VPS13B: variants seen among roughly 807,000 people sequenced by gnomAD.
The protein encoded by VPS13B is intermembrane lipid transfer protein VPS13B.
In VPS13B, 285 loss-of-function variants were observed where a neutral mutation model predicts 426.4. That is an observed-to-expected ratio of 0.67 (90% CI 0.61 to 0.74). The LOEUF is 0.74. Ranked by LOEUF, VPS13B falls within the 30% of genes least tolerant of loss-of-function variation. The probability of loss-of-function intolerance (pLI) is 0.00; values close to 1 mark genes in which losing one functional copy is unlikely to be tolerated. For missense variants in VPS13B, 4,537 were observed against 4,782.6 expected (o/e 0.95, Z 1.51); for synonymous variants, 1,676 against 1,676.4 (o/e 1.00, Z 0.01).
chr8:99,851,912 A>G (rs1816313996), intron 55 of VPS13B, among the ~76,000 whole-genome samples: 1 of 152,112 alleles, frequency 6.6e-6, no homozygotes. Flanking sequence ...AGTAGACTGT[A>G]GAGAAACAAG....
chr8:99,475,744 C>CCTATGT (rs1819656945), intron 24 of VPS13B, among the ~76,000 whole-genome samples: 1 of 152,108 alleles, frequency 6.6e-6, no homozygotes, highest in South Asian at 2.1e-4. Context: ...CTGTTCCTTC[C>CCTATGT]CTGTTGTCCT....
At chr8:99,500,049 G>A (rs1821144273) in intron 25 of VPS13B, among the ~76,000 whole-genome samples, 1 of 152,206 alleles carries the variant, frequency 6.6e-6, no homozygotes, top group South Asian at 2.1e-4. Context: ...AATGAGAGCC[G>A]GGACTTTGGT....
At chr8:99,855,622 T>A (rs1318682440) in intron 56 of VPS13B, among the ~76,000 whole-genome samples, 1 of 152,192 alleles carries the variant, frequency 6.6e-6, no homozygotes, top group African/African-American at 2.4e-5. Flanking sequence ...TCTATCCTCT[T>A]TGTAAAGTTG....
chr8:99,425,227 C>T (rs1411046224), intron 21 of VPS13B, among the ~76,000 whole-genome samples: 1 of 152,190 alleles, frequency 6.6e-6, no homozygotes, highest in Non-Finnish European at 1.5e-5. Context: ...AGTCCAGCAT[C>T]ATCCTGATAC....
At chr8:99,734,527 G>A (rs949940523) in intron 39 of VPS13B, among the ~76,000 whole-genome samples, 1 of 152,186 alleles carries the variant, frequency 6.6e-6, no homozygotes, top group African/African-American at 2.4e-5. Context: ...TATAATAGGA[G>A]ATGGGTGTGA....
intron 39 of VPS13B, among the ~76,000 whole-genome samples, chr8:99,746,156 A>T (rs921961152): frequency 6.6e-6 from 1 of 152,038 alleles, no homozygotes; most frequent in African/African-American, 2.4e-5. Context: ...TAACATGTTT[A>T]TCTATTCCCC....
chr8:99,233,242 T>C, intron 17 of VPS13B: 2 of 1,222,766 alleles, frequency 1.6e-6, no homozygotes, highest in South Asian at 2.4e-5. Flanking sequence ...AGTTAAGTTA[T>C]GCAGTTCATT....
rs913075497 is a variant in VPS13B at position 99,861,911 on chromosome 8, G to A, written c.11180G>A (p.Arg3727Gln). The A allele has an allele frequency of 7.0e-5, 112 of 1,597,238 alleles. No individual in the cohort carries two copies. The highest frequency in any genetic ancestry group is 1.7e-4 in the Middle Eastern group (1 of 6,004). The change falls in exon 58 of 62, where the codon CGA becomes CAA. Residue 3727 changes from arginine (R) to glutamine (Q), a missense_variant. Physicochemically the swap from Arg to Gln is conservative, Grantham distance 43 (BLOSUM62 1). Coordinates refer to ENST00000357162, the MANE Select transcript of VPS13B (RefSeq NM_152564.5). ...QLPESLGEGL[R>Q]QGLSRLGISL... ...CCCGAGAGCCTGGGCGAGGGGCTTC[G>A]ACAGGGCCTGTCCCGGCTGGGCATC... is the stretch of plus-strand genomic sequence containing the variant.
intron 19 of VPS13B, among the ~76,000 whole-genome samples, chr8:99,301,551 A>C (rs1820368559): frequency 6.6e-6 from 1 of 152,130 alleles, no homozygotes; most frequent in Non-Finnish European, 1.5e-5. Flanking sequence ...CGGCCTCCCA[A>C]AGTGCTGGGA....
At chr8:99,808,219 T>G (rs1408414370) in intron 43 of VPS13B, among the ~76,000 whole-genome samples, 1 of 152,124 alleles carries the variant, frequency 6.6e-6, no homozygotes, top group African/African-American at 2.4e-5. Flanking sequence ...AAATATATCT[T>G]TCTTAAAATA....
intron 33 of VPS13B, among the ~76,000 whole-genome samples, chr8:99,586,603 T>G (rs1289838960): frequency 1.3e-5 from 2 of 152,096 alleles, no homozygotes; most frequent in Non-Finnish European, 2.9e-5. Context: ...TAAATTTGAG[T>G]GGTGGTTTTG....
intron 24 of VPS13B, among the ~76,000 whole-genome samples, chr8:99,474,608 A>C (rs1306450189): frequency 6.6e-6 from 1 of 152,238 alleles, no homozygotes; most frequent in Non-Finnish European, 1.5e-5. Flanking sequence ...GTCAATAAGC[A>C]TATGAAAATA....
At chr8:99,461,153 T>C (rs1818810078) in intron 23 of VPS13B, among the ~76,000 whole-genome samples, 1 of 147,514 alleles carries the variant, frequency 6.8e-6, no homozygotes, top group African/African-American at 2.5e-5. Context: ...CTTCATGTAT[T>C]ACTAGTTTTT....
chr8:99,622,503 T>C (rs1407934801), intron 33 of VPS13B, among the ~76,000 whole-genome samples: 1 of 152,218 alleles, frequency 6.6e-6, no homozygotes, highest in Non-Finnish European at 1.5e-5. Context: ...TAGTATCCTG[T>C]AATGGATACA....
At chr8:99,423,208 A>G (rs1247497476) in intron 21 of VPS13B, among the ~76,000 whole-genome samples, 7 of 151,652 alleles carry the variant, frequency 4.6e-5, no homozygotes, top group Non-Finnish European at 1.0e-4. Flanking sequence ...AACTTTTACT[A>G]TTTCCATAGC....
At position 99,013,476 on chromosome 8, in the gene VPS13B, G is replaced by A. The variant is rs796981003; in HGVS notation, c.-30+129G>A. 2.8e-4 allele frequency: 112 copies of A among 394,804 alleles called. 1 individual carries two copies. Among genetic ancestry groups the A allele is most frequent in the Middle Eastern group, 2.4e-3 (3 of 1,236 alleles). The allele number at this position is 394,804 out of a possible 1,614,324, so 24.5% of individuals were successfully genotyped here. A position where few individuals can be genotyped will look rare whatever the true frequency, so the allele number is the denominator to read the frequency against. On this transcript the variant is annotated intron_variant, in intron 1 of 61. Transcript: ENST00000357162. ...TCGCGGGGTGGCTGGGTTGGTGAAG[G>A]GCTACTGCGGCCGAAGGGGAGCCCG...
intron 17 of VPS13B, among the ~76,000 whole-genome samples, chr8:99,229,472 G>GGATTGATT (rs372113202): frequency 2.0e-5 from 3 of 152,006 alleles, no homozygotes; most frequent in Admixed American, 2.0e-4. Context: ...AATTATTCAT[G>GGATTGATT]GATTGATTGA....
chr8:99,213,544 C>A (rs1160765739), intron 17 of VPS13B, among the ~76,000 whole-genome samples: 5 of 152,138 alleles, frequency 3.3e-5, no homozygotes, highest in Non-Finnish European at 7.4e-5. Context: ...AAATATTTCT[C>A]TAAGAGCCTG....
At chr8:99,773,278 G>T (rs1811600766) in intron 40 of VPS13B, among the ~76,000 whole-genome samples, 1 of 152,142 alleles carries the variant, frequency 6.6e-6, no homozygotes, top group Non-Finnish European at 1.5e-5. Context: ...CTCCTACCTT[G>T]GTCATTCTCT....
Sources: gnomAD v4.1 joint callset for allele counts (sites outside exome capture counted in the v4.1 genomes callset) on GRCh38, gnomAD v4.1.1 for gene constraint, MANE v1.5 for transcripts, NCBI Gene and HGNC (gene_info 2026-07-23, HGNC 2026-07-21) for gene names.